The following PTK2 variants were observed in gnomAD, a reference collection of about 807,000 sequenced individuals.
PTK2 encodes the protein focal adhesion kinase 1.
A neutral mutation model predicts 150.1 loss-of-function variants in PTK2; 45 were observed. The ratio of observed to expected loss-of-function variants is 0.30; its 90% CI spans 0.24 to 0.38. The LOEUF (loss-of-function observed/expected upper bound fraction) is 0.38, where lower values mean the gene tolerates loss of function less well. PTK2 is among the 10% of genes least tolerant of loss of function. PTK2 has a pLI of 1.00. For missense variants in PTK2, 919 were observed against 1,307.3 expected (o/e 0.70, Z 4.58); for synonymous variants, 432 against 449.2 (o/e 0.96, Z 0.48).
chr8:140,988,758 C>T (rs1432769361), intron 1 of PTK2, among the ~76,000 whole-genome samples: 1 of 143,488 alleles, frequency 7.0e-6, no homozygotes, highest in Non-Finnish European at 1.5e-5. Flanking sequence ...AAAAGACACA[C>T]ACGTATACGG....
chr8:140,801,832 A>G (rs1461485924), intron 11 of PTK2, among the ~76,000 whole-genome samples: 1 of 152,186 alleles, frequency 6.6e-6, no homozygotes, highest in Non-Finnish European at 1.5e-5. Flanking sequence ...TGGTCCGCAT[A>G]TACAATGGTG....
At chr8:140,917,332 ACT>A (rs2100165668) in intron 2 of PTK2, among the ~76,000 whole-genome samples, 1 of 150,558 alleles carries the variant, frequency 6.6e-6, no homozygotes, top group African/African-American at 2.4e-5. Flanking sequence ...ACAGAGCAAG[ACT>A]CTGCCAGGAA....
intron 29 of PTK2, 129 bp downstream of exon 32, chr8:140,674,169 T>C: frequency 1.1e-6 from 1 of 940,568 alleles, no homozygotes; most frequent in Non-Finnish European, 1.7e-6. Context: ...TGGGTCTCAC[T>C]GCAGTTCCAC....
chr8:140,700,923 G>T (rs2100029914), exon 26 of PTK2: 1 of 1,613,892 alleles, frequency 6.2e-7, no homozygotes, highest in East Asian at 2.2e-5. Flanking sequence ...AGCCAGCGCT[G>T]ATCTTCTTCC....
At chr8:140,687,714 T>C (rs1256951278) in intron 26 of PTK2, among the ~76,000 whole-genome samples, 1 of 152,208 alleles carries the variant, frequency 6.6e-6, no homozygotes, top group African/African-American at 2.4e-5. Flanking sequence ...ACTAGGCTTT[T>C]TGTCTCTGTC....
At chr8:140,759,105 G>A (rs1341789063) in intron 16 of PTK2, among the ~76,000 whole-genome samples, 2 of 152,110 alleles carry the variant, frequency 1.3e-5, no homozygotes, top group African/African-American at 2.4e-5. Flanking sequence ...TCATGAAATC[G>A]CCTAACGATG....
chr8:140,809,410 G>T (rs758161173), intron 10 of PTK2, among the ~76,000 whole-genome samples: 46 of 152,324 alleles, frequency 3.0e-4, no homozygotes, highest in Middle Eastern at 3.4e-3. Flanking sequence ...GATTTTAACA[G>T]ATCTATGAGA....
intron 21 of PTK2, among the ~76,000 whole-genome samples, chr8:140,738,120 C>T (rs952625465): frequency 6.6e-6 from 1 of 152,154 alleles, no homozygotes; most frequent in East Asian, 1.9e-4. Flanking sequence ...TCTAATGTAG[C>T]AGAGATAACA....
intron 1 of PTK2, among the ~76,000 whole-genome samples, chr8:140,972,753 C>T (rs190041668): frequency 6.6e-6 from 1 of 152,292 alleles, no homozygotes; most frequent in East Asian, 1.9e-4. Context: ...ATTCCCAGGT[C>T]TTCCGCACAC....
intron 26 of PTK2, among the ~76,000 whole-genome samples, chr8:140,696,578 C>T (rs544960985): frequency 6.6e-6 from 1 of 152,204 alleles, no homozygotes; most frequent in East Asian, 1.9e-4. Context: ...GGCTGAGAAA[C>T]CCTGGTGTAG....
chr8:140,668,644 TAAAGGAAATG>T, intron 29 of PTK2: 1 of 478,332 alleles, frequency 2.1e-6, no homozygotes, highest in Non-Finnish European at 3.6e-6. Context: ...TGAGCTCAGT[TAAAGGAAATG>T]AGATGGAATC....
In PTK2 at chr8:140,737,773, T is replaced by TA. The variant is rs566044335; in HGVS notation, c.1825+1244dup. 2.4e-4 allele frequency among the ~76,000 whole-genome samples: 36 copies of TA among 152,250 alleles called. No homozygotes were observed. The South Asian group carries it at 7.2e-3, about 31-fold the overall frequency. ...CTCCAGTTCCAGAAATGTTAACATG[T>TA]AAAAAAATAGGCATCTTAGAAGTTT... On this transcript the variant is annotated intron_variant, in intron 21 of 31. Coordinates refer to ENST00000522684, the Ensembl canonical transcript of PTK2.
chr8:140,951,123 T>C (rs4961304), intron 1 of PTK2, among the ~76,000 whole-genome samples: 147,145 of 152,204 alleles, frequency 0.97, 71,306 homozygotes, highest in East Asian at 1. Flanking sequence ...TTTCTGTCCA[T>C]CACCTTCCCA....
chr8:140,991,268 T>C (rs1393017200), intron 1 of PTK2, among the ~76,000 whole-genome samples: 1 of 152,180 alleles, frequency 6.6e-6, no homozygotes, highest in Non-Finnish European at 1.5e-5. Flanking sequence ...GACCCTGTTA[T>C]TATATGCTAG....
intron 7 of PTK2, among the ~76,000 whole-genome samples, chr8:140,842,762 A>G (rs540908748): frequency 1.6e-4 from 24 of 152,284 alleles, no homozygotes; most frequent in African/African-American, 5.8e-4. Context: ...GGACAGCAAA[A>G]TAAGCACAAT....
chr8:140,730,953 A>ACCCC (rs10713091), intron 22 of PTK2, among the ~76,000 whole-genome samples: 21 of 96,626 alleles, frequency 2.2e-4, no homozygotes, highest in African/African-American at 3.4e-4. Context: ...ATTAAATTAA[A>ACCCC]CCCCCCCCCC....
intron 1 of PTK2, among the ~76,000 whole-genome samples, chr8:140,994,674 G>T (rs2100196943): frequency 6.6e-6 from 1 of 152,036 alleles, no homozygotes; most frequent in African/African-American, 2.4e-5. Context: ...AGTTGTTTTG[G>T]GGGGACCATG....
At chr8:140,988,903 C>A (rs2154610183) in intron 1 of PTK2, among the ~76,000 whole-genome samples, 1 of 151,934 alleles carries the variant, frequency 6.6e-6, no homozygotes, top group South Asian at 2.1e-4. Context: ...ATACTATACA[C>A]CAAAATCTAT....
intron 15 of PTK2, among the ~76,000 whole-genome samples, chr8:140,763,755 GGTTA>G (rs1413405691): frequency 2.0e-5 from 3 of 152,016 alleles, no homozygotes; most frequent in Admixed American, 6.6e-5. Context: ...TATTTGTATT[GGTTA>G]GTCAATGGCA....
Sources: allele counts gnomAD v4.1 joint callset (sites outside exome capture counted in the v4.1 genomes callset), GRCh38; gene constraint gnomAD v4.1.1; transcripts MANE v1.5; gene names NCBI Gene and HGNC (gene_info 2026-07-23, HGNC 2026-07-21).